RPH3A: variants seen among roughly 807,000 people sequenced by gnomAD.
RPH3A encodes rabphilin 3A.
RPH3A carries 48 observed loss-of-function variants against 102.2 expected under a neutral mutation model. The observed-to-expected ratio is 0.47, with a 90% CI of 0.37 to 0.60. The LOEUF (loss-of-function observed/expected upper bound fraction) is 0.60. Among genes scored for constraint, RPH3A ranks in the 20% least tolerant of loss-of-function variants. The probability of loss-of-function intolerance (pLI) is 0.00; values close to 1 mark genes in which losing one functional copy is unlikely to be tolerated. For missense variants in RPH3A, 781 were observed against 910.1 expected (o/e 0.86, Z 1.83); for synonymous variants, 310 against 324.3 (o/e 0.96, Z 0.47).
intron 12 of RPH3A, 37 bp from the exon 13 acceptor site, chr12:112,876,605 A>T: frequency 1.4e-6 from 2 of 1,423,606 alleles, no homozygotes; most frequent in Non-Finnish European, 1.9e-6. Flanking sequence ...TGAAACAGGG[A>T]TGCAGCTGCA....
chr12:112,893,387 G>A (rs1171642168), intron 19 of RPH3A: 2 of 152,168 alleles, frequency 1.3e-5, no homozygotes, highest in African/African-American at 2.4e-5. Flanking sequence ...ACAGAGGCAC[G>A]GTAAAGTTAC....
chr12:112,677,046 T>C (rs1037447672), intron 1 of RPH3A, among the ~76,000 whole-genome samples: 5 of 152,220 alleles, frequency 3.3e-5, no homozygotes, highest in Admixed American at 6.5e-5. Context: ...GTGTTGATTT[T>C]TGATAGAGCT....
intron 1 of RPH3A, among the ~76,000 whole-genome samples, chr12:112,713,049 CTCCTTCTTCTTCTT>C (rs1565857476): frequency 1.0e-4 from 7 of 68,398 alleles, no homozygotes; most frequent in South Asian, 7.1e-4. Context: ...TCTTCTTCTT[CTCCTTCTTCTTCTT>C]CTTCTTCTTC....
rs1165528920 is a variant in RPH3A, at chr12:112,791,830, C to T, written c.-322C>T. On this transcript the variant is annotated 5_prime_UTR_variant, in exon 1 of 22. Transcript: ENST00000389385. ...ATTGATTCGTCTACTGCCAGCAGCCCGGAGTTGCCTACGCGGACTGGAAAG... is the reference window on the plus strand; with the variant it reads ...ATTGATTCGTCTACTGCCAGCAGCCTGGAGTTGCCTACGCGGACTGGAAAG... 7.8e-6 allele frequency: 1 copy of T among 127,614 alleles called. No homozygotes were observed. The highest frequency in any genetic ancestry group is 3.0e-5 in the African/African-American group (1 of 33,678). 7.9% of individuals were successfully genotyped at this position (127,614 alleles called of 1,614,324 possible).
intron 16 of RPH3A, among the ~76,000 whole-genome samples, chr12:112,884,054 T>G (rs1463600163): frequency 6.6e-6 from 1 of 152,162 alleles, no homozygotes; most frequent in African/African-American, 2.4e-5. Flanking sequence ...TAACAATATA[T>G]CTCAGTATTA....
chr12:112,769,369 TC>T (rs999560932), intron 1 of RPH3A, among the ~76,000 whole-genome samples: 4 of 152,242 alleles, frequency 2.6e-5, no homozygotes, highest in African/African-American at 9.6e-5. Flanking sequence ...AAGTAAACTC[TC>T]TTTTTTAAAA....
chr12:112,881,871 G>A lies in RPH3A; in HGVS notation c.1326+25G>A. ...GGTACCATATGGCCTGGGCTTCTCT[G>A]CAAACCGGGTGCATGGGCCCTGGCA... On this transcript the variant is annotated intron_variant, in intron 15 of 21. Coordinates refer to ENST00000389385, the MANE Select transcript of RPH3A (RefSeq NM_001143854.2). The A allele has an allele frequency of 2.5e-6, 4 of 1,592,802 alleles. No homozygotes were observed. In the South Asian group the frequency reaches 3.4e-5, roughly 13 times the overall value.
At chr12:112,663,665 T>C (rs1669678994) in intron 1 of RPH3A, among the ~76,000 whole-genome samples, 1 of 152,036 alleles carries the variant, frequency 6.6e-6, no homozygotes. Flanking sequence ...CCCCATAAAT[T>C]CTTATTTATT....
intron 5 of RPH3A, among the ~76,000 whole-genome samples, chr12:112,857,103 C>T (rs981448644): frequency 1.3e-5 from 2 of 152,138 alleles, no homozygotes; most frequent in Admixed American, 6.5e-5. Context: ...GGAGTCTACG[C>T]TTTCTTGGGG....
In RPH3A at chr12:112,686,832, A is replaced by G. The variant is rs150127870; in HGVS notation, c.-139-105311A>G. 3.9e-4 allele frequency among the ~76,000 whole-genome samples: 59 copies of G among 152,292 alleles called. No individual in the cohort carries two copies. In the East Asian group the frequency reaches 9.8e-3, roughly 25 times the overall value. On this transcript the variant is annotated intron_variant, in intron 1 of 21. Coordinates refer to the RPH3A transcript ENST00000543106. ...GGCTCTATACATTTTCAGTTTTTTAACTGAATTATAAAGGGATGGCTGGGT... is the reference window on the plus strand; with the variant it reads ...GGCTCTATACATTTTCAGTTTTTTAGCTGAATTATAAAGGGATGGCTGGGT...
intron 18 of RPH3A, among the ~76,000 whole-genome samples, 199 bp from the exon 19 acceptor site, chr12:112,890,650 C>G (rs1403906971): frequency 1.3e-5 from 2 of 152,196 alleles, no homozygotes; most frequent in Non-Finnish European, 2.9e-5. Context: ...AGCCATTGGT[C>G]CCCATGTGCC....
intron 1 of RPH3A, among the ~76,000 whole-genome samples, chr12:112,714,093 T>C (rs1431935119): frequency 6.6e-6 from 1 of 152,124 alleles, no homozygotes; most frequent in Non-Finnish European, 1.5e-5. Context: ...TGGTCTCTAA[T>C]AAGTGCTCAG....
chr12:112,854,351 T>C lies in RPH3A; in HGVS notation c.230+6509T>C, dbSNP rs560531387. ...TTTCTTGCAATAGTAACTCAACTTC[T>C]AGCAAAATAATCACAACGGACAACT... On this transcript the variant is annotated intron_variant, in intron 5 of 21. Transcript: ENST00000389385. Among the ~76,000 whole-genome samples, 3 of 152,378 alleles carry C rather than the reference T, an allele frequency of 2.0e-5. No individual in the cohort carries two copies. In the East Asian group the frequency reaches 5.8e-4, roughly 29 times the overall value.
At chr12:112,857,956 A>G (rs938508892) in intron 5 of RPH3A, among the ~76,000 whole-genome samples, 2 of 152,166 alleles carry the variant, frequency 1.3e-5, no homozygotes, top group African/African-American at 4.8e-5. Flanking sequence ...CAAGGGCTCC[A>G]TTCATCTGTC....
intron 1 of RPH3A, among the ~76,000 whole-genome samples, chr12:112,632,778 T>TCATCCTG (rs2039815805): frequency 6.6e-6 from 1 of 152,160 alleles, no homozygotes; most frequent in African/African-American, 2.4e-5. Context: ...CCTCTAAGTG[T>TCATCCTG]CATCCTGTGT....
chr12:112,674,475 A>G (rs232927), intron 1 of RPH3A, among the ~76,000 whole-genome samples: 83,090 of 152,048 alleles, frequency 0.55, 23,642 homozygotes, highest in Middle Eastern at 0.62. Flanking sequence ...CATGGCACAC[A>G]TAGGTATCTG....
At chr12:112,870,807 C>T (rs2042696058) in intron 10 of RPH3A, among the ~76,000 whole-genome samples, 1 of 152,166 alleles carries the variant, frequency 6.6e-6, no homozygotes, top group Admixed American at 6.5e-5. Flanking sequence ...ATAATCTGCC[C>T]AGACCTCCCC....
At chr12:112,724,946 T>G (rs2040576428) in intron 1 of RPH3A, among the ~76,000 whole-genome samples, 1 of 143,264 alleles carries the variant, frequency 7.0e-6, no homozygotes, top group Non-Finnish European at 1.5e-5. Flanking sequence ...TCCAGCCTGG[T>G]GACAGAGCGA....
chr12:112,642,428 G>C (rs1164847701), intron 1 of RPH3A, among the ~76,000 whole-genome samples: 1 of 152,150 alleles, frequency 6.6e-6, no homozygotes, highest in Non-Finnish European at 1.5e-5. Flanking sequence ...TACATTTTTA[G>C]TTTAAGTATA....
Sources: allele counts gnomAD v4.1 joint callset (sites outside exome capture counted in the v4.1 genomes callset), GRCh38; gene constraint gnomAD v4.1.1; transcripts MANE v1.5; gene names NCBI Gene and HGNC (gene_info 2026-07-23, HGNC 2026-07-21).